Variants in ELOVL4 observed in about 807,000 individuals in gnomAD.
ELOVL4 encodes the protein very long chain fatty acid elongase 4.
A neutral mutation model predicts 42.1 loss-of-function variants in ELOVL4; 18 were observed. The ratio of observed to expected loss-of-function variants is 0.43; its 90% CI spans 0.30 to 0.63. The LOEUF is 0.63. Among genes scored for constraint, ELOVL4 ranks in the 30% least tolerant of loss-of-function variants. The pLI, the probability that ELOVL4 is intolerant of heterozygous loss-of-function variation, is 0.15. For missense variants in ELOVL4, 299 were observed against 376.2 expected, an observed-to-expected ratio of 0.79 and a Z score of 1.70; for synonymous variants, 117 against 127.0, an observed-to-expected ratio of 0.92 and a Z score of 0.53.
intron 4 of ELOVL4, 67 bp downstream of exon 4, chr6:79,921,558 C>T: frequency 7.8e-7 from 1 of 1,288,340 alleles, no homozygotes; most frequent in Non-Finnish European, 1.1e-6. Context: ...GTCCTAGGTT[C>T]TCATTGCTTT....
intron 1 of ELOVL4, among the ~76,000 whole-genome samples, chr6:79,933,161 C>T (rs143152396): frequency 7.5e-4 from 114 of 152,256 alleles, no homozygotes; most frequent in African/African-American, 2.7e-3. Context: ...GGAGGTCTTA[C>T]AAACTACACT....
chr6:79,924,167 G>A (rs1169709234), intron 3 of ELOVL4, among the ~76,000 whole-genome samples: 1 of 151,998 alleles, frequency 6.6e-6, no homozygotes, highest in Non-Finnish European at 1.5e-5. Context: ...CTTGTTACTA[G>A]TGTTTTATTT....
intron 3 of ELOVL4, among the ~76,000 whole-genome samples, chr6:79,922,577 A>AT (rs1271335768): frequency 1.3e-5 from 2 of 152,156 alleles, no homozygotes; most frequent in African/African-American, 2.4e-5. Flanking sequence ...ACCAAACTTA[A>AT]TTTTTTATGT....
intron 1 of ELOVL4, among the ~76,000 whole-genome samples, chr6:79,931,065 AATTTCTCT>A (rs1281024733): frequency 1.3e-5 from 2 of 152,172 alleles, no homozygotes; most frequent in African/African-American, 4.8e-5. Context: ...CATTCTTGGG[AATTTCTCT>A]TTAGAAAGTT....
chr6:79,928,705 C>T (rs1253532775), intron 1 of ELOVL4, among the ~76,000 whole-genome samples: 7 of 143,502 alleles, frequency 4.9e-5, no homozygotes, highest in Non-Finnish European at 7.5e-5. Flanking sequence ...AAGACCCTAC[C>T]AGTAAGTAGA....
intron 1 of ELOVL4, among the ~76,000 whole-genome samples, chr6:79,936,625 G>T (rs906000960): frequency 6.6e-6 from 1 of 152,214 alleles, no homozygotes; most frequent in Non-Finnish European, 1.5e-5. Flanking sequence ...GTAGACAACG[G>T]TTGTCAAGAA....
rs1774173632 is a variant in ELOVL4 at position 79,916,938 on chromosome 6, TAAC to T, written c.670-58_670-56del. ...TTTAATCTGAATAGTAAACAACTTT[TAAC>T]AACATCGGCATCTTCTACATAGCTA... On this transcript the variant is annotated intron_variant, in intron 5 of 5. Coordinates refer to ENST00000369816, the MANE Select transcript of ELOVL4 (RefSeq NM_022726.4). 9 of 1,605,772 alleles carry T rather than the reference TAAC, an allele frequency of 5.6e-6. No individual in the cohort carries two copies. The Admixed American group carries it at 6.7e-5, about 12-fold the overall frequency.
intron 1 of ELOVL4, among the ~76,000 whole-genome samples, chr6:79,930,874 G>A (rs967139148): frequency 2.0e-5 from 3 of 152,112 alleles, no homozygotes; most frequent in African/African-American, 7.2e-5. Flanking sequence ...TGTGACAGGA[G>A]ATACATTTCT....
At chr6:79,943,764 TATC>T (rs2127702723) in intron 1 of ELOVL4, among the ~76,000 whole-genome samples, 1 of 152,234 alleles carries the variant, frequency 6.6e-6, no homozygotes, top group Non-Finnish European at 1.5e-5. Flanking sequence ...AAAGAAATGG[TATC>T]ATAAGCCTGG....
chr6:79,915,346 T>A lies in ELOVL4; in HGVS notation c.*1262A>T, dbSNP rs938643472. 1.3e-5 allele frequency: 2 copies of A among 152,622 alleles called. No homozygotes were observed. The highest frequency in any genetic ancestry group is 1.5e-5 in the Non-Finnish European group (1 of 67,996). 9.5% of individuals were successfully genotyped at this position (152,622 alleles called of 1,614,324 possible). A position where few individuals can be genotyped will look rare whatever the true frequency, so the allele number is the denominator to read the frequency against. On this transcript the variant is annotated 3_prime_UTR_variant, in exon 6 of 6. Transcript: ENST00000369816. The stretch of plus-strand genomic sequence containing the variant: ...TTATAGTTCTGACTACTCTCACTTT[T>A]ATTCATTTTGTGTTTTAACAACACC...
At position 79,947,552 on chromosome 6, in the gene ELOVL4, G is replaced by A; in HGVS notation, c.-273C>T. 3 of 427,730 alleles carry A rather than the reference G, an allele frequency of 7.0e-6. No homozygotes were observed. Among genetic ancestry groups the A allele is most frequent in the Non-Finnish European group, 8.6e-6 (2 of 233,462 alleles). The allele number at this position is 427,730 out of a possible 1,614,324, so 26.5% of individuals were successfully genotyped here. On this transcript the variant is annotated 5_prime_UTR_variant, in exon 1 of 6. Transcript: ENST00000369816. ...CCAGCACAGTGCGCTGCACCAGTCT[G>A]CAGCCTCGCGCAGCCGCCCCTCCAA...
intron 1 of ELOVL4, among the ~76,000 whole-genome samples, chr6:79,936,509 C>T (rs925081804): frequency 3.3e-5 from 5 of 152,120 alleles, no homozygotes; most frequent in African/African-American, 9.7e-5. Context: ...ATAAATGTCA[C>T]GAGGGCCAAT....
chr6:79,922,843 A>C (rs1774281205), intron 3 of ELOVL4, among the ~76,000 whole-genome samples: 1 of 152,104 alleles, frequency 6.6e-6, no homozygotes, highest in Admixed American at 6.5e-5. Context: ...GAAGAAACAG[A>C]AAGCATATAA....
At chr6:79,935,398 C>G (rs1239416901) in intron 1 of ELOVL4, among the ~76,000 whole-genome samples, 1 of 152,086 alleles carries the variant, frequency 6.6e-6, no homozygotes, top group East Asian at 1.9e-4. Flanking sequence ...TTAGAACACC[C>G]AAACCCCTAG....
chr6:79,936,648 G>A (rs895081441), intron 1 of ELOVL4, among the ~76,000 whole-genome samples: 2 of 152,190 alleles, frequency 1.3e-5, no homozygotes, highest in South Asian at 4.1e-4. Context: ...GTCTTGGAAA[G>A]AGCTTATTTC....
chr6:79,937,420 G>C (rs937342605), intron 1 of ELOVL4, among the ~76,000 whole-genome samples: 10 of 152,108 alleles, frequency 6.6e-5, no homozygotes, highest in African/African-American at 2.4e-4. Context: ...ACACAGATGA[G>C]AGAATCAATG....
At chr6:79,925,650 C>T (rs1017792057) in intron 2 of ELOVL4, among the ~76,000 whole-genome samples, 1 of 152,072 alleles carries the variant, frequency 6.6e-6, no homozygotes, top group South Asian at 2.1e-4. Context: ...TTGCTAGTGC[C>T]CAGAAAAGTA....
Position 79,934,336 on chromosome 6 carries a change from G to A in ELOVL4, c.101-7955C>T, listed in dbSNP as rs139816464. 5.5e-4 allele frequency among the ~76,000 whole-genome samples: 84 copies of A among 152,224 alleles called. 1 individual carries two copies. In the South Asian group the frequency reaches 8.3e-3, roughly 15 times the overall value. On this transcript the variant is annotated intron_variant, in intron 1 of 5. Coordinates refer to ENST00000369816, the MANE Select transcript of ELOVL4 (RefSeq NM_022726.4). ...ACAAAGACCGAGAAATTTCCAAAAG[G>A]AAAGGGTGCAGAACAGAATCTATAG... is the stretch of plus-strand genomic sequence containing the variant.
intron 1 of ELOVL4, among the ~76,000 whole-genome samples, chr6:79,938,313 A>T (rs1774582406): frequency 6.6e-6 from 1 of 152,202 alleles, no homozygotes; most frequent in African/African-American, 2.4e-5. Context: ...GCTTTAAGAA[A>T]ATTGAAATGG....
Sources: allele counts gnomAD v4.1 joint callset (sites outside exome capture counted in the v4.1 genomes callset), GRCh38; gene constraint gnomAD v4.1.1; transcripts MANE v1.5; gene names NCBI Gene and HGNC (gene_info 2026-07-23, HGNC 2026-07-21).